The following PSMB3 variants were observed in gnomAD, a reference collection of about 807,000 sequenced individuals.
PSMB3 encodes proteasome 20S subunit beta 3.
A neutral mutation model predicts 23.3 loss-of-function variants in PSMB3; 5 were observed. The ratio of observed to expected loss-of-function variants is 0.21; its 90% CI spans 0.11 to 0.45. The LOEUF (loss-of-function observed/expected upper bound fraction) is 0.45. Among genes scored for constraint, PSMB3 ranks in the 20% least tolerant of loss-of-function variants. The pLI is 0.99. For missense variants in PSMB3, 192 were observed against 277.9 expected (o/e 0.69, Z 2.20); for synonymous variants, 85 against 99.8 (o/e 0.85, Z 0.88).
chr17:38,763,728 C>A (rs1908554423), intron 5 of PSMB3, among the ~76,000 whole-genome samples: 1 of 152,038 alleles, frequency 6.6e-6, no homozygotes. Flanking sequence ...GTCTTGAACT[C>A]CTGACCTCGT....
At chr17:38,755,680 A>ATG (rs1368083790) in intron 2 of PSMB3, among the ~76,000 whole-genome samples, 62 of 103,514 alleles carry the variant, frequency 6.0e-4, no homozygotes, top group Non-Finnish European at 9.9e-4. Context: ...ATATATATAT[A>ATG]TATGTGTGTG....
In PSMB3 at chr17:38,762,360, C is replaced by A. The variant is rs772271633; in HGVS notation, c.475-51C>A. 23 of 1,513,012 alleles carry A rather than the reference C, an allele frequency of 1.5e-5. No homozygotes were observed. The Admixed American group carries it at 3.5e-4, about 23-fold the overall frequency. The allele number at this position is 1,513,012 out of a possible 1,614,324, so 93.7% of individuals were successfully genotyped here. A position where few individuals can be genotyped will look rare whatever the true frequency, so the allele number is the denominator to read the frequency against. On this transcript the variant is annotated intron_variant, in intron 4 of 5. Transcript: ENST00000619426. ...GAAAAAAGAGAGTTAAGGGACCAGA[C>A]CAAATCAGAGCCAGAGGCTGTGGTT...
At chr17:38,760,352 G>A in intron 3 of PSMB3, 79 bp from the exon 4 acceptor site, 2 of 1,511,792 alleles carry the variant, frequency 1.3e-6, no homozygotes, top group East Asian at 2.3e-5. Context: ...TCTAGGCCGG[G>A]GCCTTGTCTG....
At chr17:38,757,962 A>T (rs189186228) in intron 3 of PSMB3, among the ~76,000 whole-genome samples, 9 of 152,050 alleles carry the variant, frequency 5.9e-5, no homozygotes, top group Admixed American at 1.3e-4. Flanking sequence ...CCAACGAAAA[A>T]AAAAGTTAAT....
At chr17:38,761,603 A>G (rs1908444982) in intron 4 of PSMB3, among the ~76,000 whole-genome samples, 1 of 152,122 alleles carries the variant, frequency 6.6e-6, no homozygotes, top group Non-Finnish European at 1.5e-5. Context: ...GAGGAAAGAA[A>G]GGGTCTGGGG....
At chr17:38,755,646 T>TAA (rs66894167) in intron 2 of PSMB3, among the ~76,000 whole-genome samples, 1,405 of 66,148 alleles carry the variant, frequency 0.021, 24 homozygotes, top group Middle Eastern at 0.049. Flanking sequence ...AGACTCCGTC[T>TAA]AAAAAAAAAA....
At chr17:38,755,674 A>ATGTGTG (rs1321711737) in intron 2 of PSMB3, among the ~76,000 whole-genome samples, 953 of 91,188 alleles carry the variant, frequency 0.01, 4 homozygotes, top group Middle Eastern at 0.056. Context: ...ATATATATAT[A>ATGTGTG]TATATATATG....
chr17:38,753,146 C>G lies in PSMB3; in HGVS notation c.4-4C>G. 6.2e-7 allele frequency: 1 copy of G among 1,613,182 alleles called. No individual in the cohort carries two copies. Among genetic ancestry groups the G allele is most frequent in the Non-Finnish European group, 8.5e-7 (1 of 1,179,588 alleles). On this transcript the variant is annotated splice_polypyrimidine_tract_variant and splice_region_variant and intron_variant, in intron 1 of 5. Transcript: ENST00000619426. ...CGCTGACCCCTCCGCTCTGTCTGTC[C>G]TAGTCTATTATGTCCTATAACGGAG...
At chr17:38,762,537 C>A (rs767267507) in intron 5 of PSMB3, 32 bp downstream of exon 5, 2 of 1,572,614 alleles carry the variant, frequency 1.3e-6, no homozygotes, top group South Asian at 2.2e-5. Flanking sequence ...TCTAGAAGCT[C>A]TGCAGACACC....
intron 3 of PSMB3, 167 bp from the exon 4 acceptor site, chr17:38,760,264 C>G (rs1908377401): frequency 1.6e-6 from 1 of 620,148 alleles, no homozygotes; most frequent in Non-Finnish European, 2.8e-6. Flanking sequence ...TTCTAGCTGG[C>G]AGGAGAAGGG....
intron 4 of PSMB3, among the ~76,000 whole-genome samples, chr17:38,761,822 C>T (rs1291634281): frequency 6.6e-6 from 1 of 152,182 alleles, no homozygotes; most frequent in Non-Finnish European, 1.5e-5. Context: ...AGGCTGTTAC[C>T]GCCTGCAGGA....
intron 3 of PSMB3, 24 bp from the exon 4 acceptor site, chr17:38,760,407 T>C (rs200028685): frequency 6.2e-7 from 1 of 1,609,908 alleles, no homozygotes; most frequent in African/African-American, 1.3e-5. Flanking sequence ...TTCTGGTTTC[T>C]CTCTCTGATG....
intron 5 of PSMB3, among the ~76,000 whole-genome samples, chr17:38,762,991 C>T (rs1204821643): frequency 2.0e-5 from 3 of 152,200 alleles, no homozygotes; most frequent in African/African-American, 4.8e-5. Context: ...AGGAGGTATC[C>T]TTCCAACCAC....
At position 38,760,369 on chromosome 17, in the gene PSMB3, C is replaced by G. The variant is rs1292183259; in HGVS notation, c.297-62C>G. On this transcript the variant is annotated intron_variant, in intron 3 of 5. Transcript: ENST00000619426. Reference sequence around the variant, plus strand: ...TAGGCCGGGGCCTTGTCTGAATAGGCTTAAACATGAAAGCGAGCGTTCTTG... The same window carrying G: ...TAGGCCGGGGCCTTGTCTGAATAGGGTTAAACATGAAAGCGAGCGTTCTTG... The G allele has an allele frequency of 5.1e-6, 8 of 1,575,664 alleles. No individual in the cohort carries two copies. The Admixed American group carries it at 1.4e-4, about 27-fold the overall frequency.
In PSMB3 at chr17:38,754,457, G is replaced by A. The variant is rs1908071806; in HGVS notation, c.188+1123G>A. On this transcript the variant is annotated intron_variant, in intron 2 of 5. Coordinates refer to ENST00000619426, the MANE Select transcript of PSMB3 (RefSeq NM_002795.4). ...TGCACTCTAGCCTGGGCAACAGAGC[G>A]AGACTCTGTCTCAAACAAAATAAAA... Among the ~76,000 whole-genome samples the A allele has an allele frequency of 1.3e-5, 2 of 152,072 alleles. 1 individual carries two copies. Among genetic ancestry groups the A allele is most frequent in the South Asian group, 4.1e-4 (2 of 4,826 alleles).
Position 38,755,987 on chromosome 17 carries a change from A to G in PSMB3, c.293A>G (p.Lys98Arg). The change falls in exon 3 of 6, where the codon AAA becomes AGA. Residue 98 changes from lysine (K) to arginine (R), a missense_variant. Coordinates refer to ENST00000619426, the MANE Select transcript of PSMB3 (RefSeq NM_002795.4). Reference sequence around the variant, plus strand: ...ATGGTGGCCAACCTCTTGTATGAGAAACGGTGAGTGCAAGTGTAGCTAGCA... The same window carrying G: ...ATGGTGGCCAACCTCTTGTATGAGAGACGGTGAGTGCAAGTGTAGCTAGCA... ...MSMVANLLYE[K>R]RFGPYYTEPV... is the part of the protein sequence containing the mutation. 6.2e-7 allele frequency: 1 copy of G among 1,609,572 alleles called. No homozygotes were observed. The highest frequency in any genetic ancestry group is 8.5e-7 in the Non-Finnish European group (1 of 1,175,822).
chr17:38,758,630 C>A (rs181470377), intron 3 of PSMB3, among the ~76,000 whole-genome samples: 37 of 152,202 alleles, frequency 2.4e-4, no homozygotes, highest in African/African-American at 8.9e-4. Flanking sequence ...CAAACGTCAG[C>A]CATCATGCCT....
chr17:38,760,734 T>G (rs1908400095), intron 4 of PSMB3, 126 bp downstream of exon 4: 1 of 1,131,628 alleles, frequency 8.8e-7, no homozygotes, highest in Non-Finnish European at 1.2e-6. Flanking sequence ...CCACAGCTGC[T>G]GCTCCTTGGA....
chr17:38,755,716 G>GTGTGTGTGTGTGT (rs1567643499), intron 2 of PSMB3, among the ~76,000 whole-genome samples, 167 bp from the exon 3 acceptor site: 1 of 95,118 alleles, frequency 1.1e-5, no homozygotes, highest in Non-Finnish European at 2.2e-5. Context: ...GTGTGTGTGT[G>GTGTGTGTGTGTGT]CTGCCAAAGC....
Sources: gnomAD v4.1 joint callset for allele counts (sites outside exome capture counted in the v4.1 genomes callset) on GRCh38, gnomAD v4.1.1 for gene constraint, MANE v1.5 for transcripts, NCBI Gene and HGNC (gene_info 2026-07-23, HGNC 2026-07-21) for gene names.